The following MED12L variants were observed in gnomAD, a reference collection of about 807,000 sequenced individuals.
MED12L encodes mediator of RNA polymerase II transcription subunit 12-like protein.
A neutral mutation model predicts 281.3 loss-of-function variants in MED12L; 60 were observed. The ratio of observed to expected loss-of-function variants is 0.21; its 90% CI spans 0.17 to 0.26. MED12L has a LOEUF of 0.26. MED12L is among the 10% of genes least tolerant of loss of function. The probability of loss-of-function intolerance (pLI) is 1.00; values close to 1 mark genes in which losing one functional copy is unlikely to be tolerated. For missense variants in MED12L, 2,146 were observed against 2,680.9 expected (o/e 0.80, Z 4.41); for synonymous variants, 974 against 987.2 (o/e 0.99, Z 0.25).
intron 16 of MED12L, among the ~76,000 whole-genome samples, chr3:151,298,364 T>G (rs539650942): frequency 1.1e-4 from 17 of 152,204 alleles, no homozygotes; most frequent in Non-Finnish European, 2.4e-4. Context: ...GGTCATTCAG[T>G]TAAGAAAAAT....
intron 2 of MED12L, 96 bp downstream of exon 2, chr3:151,087,121 T>C (rs7653870): frequency 1.0e-6 from 1 of 1,002,824 alleles, no homozygotes; most frequent in African/African-American, 1.7e-5. Flanking sequence ...GGCGCTGCGG[T>C]GGAAGAGGTC....
intron 16 of MED12L, among the ~76,000 whole-genome samples, chr3:151,215,285 C>T (rs1376652209): frequency 1.3e-5 from 2 of 152,092 alleles, no homozygotes; most frequent in African/African-American, 2.4e-5. Context: ...GTATTGAGCA[C>T]TTGAAATATG....
At chr3:151,363,676 T>A (rs1396121445) in intron 21 of MED12L, among the ~76,000 whole-genome samples, 3 of 152,222 alleles carry the variant, frequency 2.0e-5, no homozygotes, top group Non-Finnish European at 4.4e-5. Flanking sequence ...TGCTGCCATT[T>A]AGTAGATGAC....
intron 17 of MED12L, among the ~76,000 whole-genome samples, chr3:151,354,774 A>G (rs893153873): frequency 1.3e-5 from 2 of 152,208 alleles, no homozygotes; most frequent in African/African-American, 4.8e-5. Context: ...ACATGAATCA[A>G]TCTTAAAAGC....
At position 151,367,172 on chromosome 3, in the gene MED12L, A is replaced by G. The variant is rs571961981; in HGVS notation, c.3328-474A>G. Among the ~76,000 whole-genome samples, 4 of 152,310 alleles carry G rather than the reference A, an allele frequency of 2.6e-5. No individual in the cohort carries two copies. The South Asian group carries it at 8.3e-4, about 32-fold the overall frequency. On this transcript the variant is annotated intron_variant, in intron 23 of 44. Coordinates refer to ENST00000687756, the MANE Select transcript of MED12L (RefSeq NM_001393769.1). The stretch of plus-strand genomic sequence containing the variant: ...TTGGAAACTTTCAGAGTTGTTTTTA[A>G]AACGAGTTTAATCATTAAAGAATCC...
chr3:151,285,260 A>C (rs1043708349), intron 16 of MED12L, among the ~76,000 whole-genome samples: 3 of 151,962 alleles, frequency 2.0e-5, no homozygotes, highest in Non-Finnish European at 2.9e-5. Context: ...TGAGGTGGGC[A>C]GATCACAAGG....
chr3:151,227,067 C>T (rs1730654728), intron 16 of MED12L, among the ~76,000 whole-genome samples: 1 of 152,168 alleles, frequency 6.6e-6, no homozygotes, highest in African/African-American at 2.4e-5. Flanking sequence ...AGCTCAAGAT[C>T]AGGTCACTTG....
intron 16 of MED12L, among the ~76,000 whole-genome samples, chr3:151,261,008 G>A (rs1738772325): frequency 6.6e-6 from 1 of 152,100 alleles, no homozygotes; most frequent in Admixed American, 6.6e-5. Context: ...GTGTTGCAGG[G>A]CAAGCATGGC....
chr3:151,239,193 G>A (rs1320120613), intron 16 of MED12L, among the ~76,000 whole-genome samples: 8 of 152,188 alleles, frequency 5.3e-5, no homozygotes, highest in African/African-American at 1.7e-4. Flanking sequence ...CATGACCAAT[G>A]TATGATGTTA....
intron 37 of MED12L, 91 bp from the exon 38 acceptor site, chr3:151,389,888 G>A (rs1713962469): frequency 7.9e-7 from 1 of 1,257,940 alleles, no homozygotes; most frequent in South Asian, 1.3e-5. Context: ...TGGGATAGGA[G>A]GTACCTCAGA....
At chr3:151,298,148 C>T (rs980151227) in intron 16 of MED12L, among the ~76,000 whole-genome samples, 1 of 152,084 alleles carries the variant, frequency 6.6e-6, no homozygotes, top group African/African-American at 2.4e-5. Context: ...AGCTAATGCC[C>T]ATCATTTATT....
chr3:151,226,644 G>A (rs1373823343), intron 16 of MED12L, among the ~76,000 whole-genome samples: 2 of 152,082 alleles, frequency 1.3e-5, no homozygotes, highest in Non-Finnish European at 2.9e-5. Context: ...GTGCATGTGT[G>A]TATGTTTGAG....
intron 17 of MED12L, among the ~76,000 whole-genome samples, chr3:151,354,057 C>T (rs1015325136): frequency 1.7e-4 from 24 of 140,162 alleles, no homozygotes; most frequent in Non-Finnish European, 3.5e-4. Context: ...AGGAGAATGG[C>T]GTGAACCCGG....
intron 2 of MED12L, among the ~76,000 whole-genome samples, chr3:151,094,720 A>G (rs1370522901): frequency 2.0e-5 from 3 of 152,228 alleles, no homozygotes; most frequent in Admixed American, 2.0e-4. Flanking sequence ...GCAACCAGTT[A>G]TCTCTGGGGG....
At chr3:151,363,029 G>A (rs1295733202) in intron 21 of MED12L, among the ~76,000 whole-genome samples, 1 of 151,780 alleles carries the variant, frequency 6.6e-6, no homozygotes, top group African/African-American at 2.4e-5. Context: ...TAGCCTATTT[G>A]ACCCTTAATA....
In MED12L at chr3:151,380,204, C is replaced by T; in HGVS notation, c.4570C>T (p.Leu1524Phe). 1 of 1,604,790 alleles carries T rather than the reference C, an allele frequency of 6.2e-7. No homozygotes were observed. Among genetic ancestry groups the T allele is most frequent in the Non-Finnish European group, 8.5e-7 (1 of 1,175,082 alleles). ...DEQREGLLTS[L>F]QNQVNQILSN... ...ACAAAGGGAAGGCCTCCTAACATCT[C>T]TCCAGAATCAAGTTAACCAGGTAAA... is the stretch of plus-strand genomic sequence containing the variant. Residue 1524 changes from leucine to phenylalanine, a missense_variant, in exon 32 of 45, where the codon CTC (leucine) becomes TTC (phenylalanine). Leu to Phe is a conservative substitution (Grantham distance 22). Around this residue, in one of 9 missense-constraint regions of MED12L, gnomAD observed 212 missense variants for 340.8 expected, o/e 0.62. Transcript: ENST00000687756.
chr3:151,102,400 T>G (rs1721494971), intron 2 of MED12L, among the ~76,000 whole-genome samples: 1 of 152,180 alleles, frequency 6.6e-6, no homozygotes, highest in Non-Finnish European at 1.5e-5. Context: ...GAAATTTGTT[T>G]CCTTGACTCA....
intron 16 of MED12L, among the ~76,000 whole-genome samples, chr3:151,291,795 A>G (rs1744286898): frequency 6.6e-6 from 1 of 152,152 alleles, no homozygotes; most frequent in Non-Finnish European, 1.5e-5. Flanking sequence ...AATATTTTTC[A>G]TGCCACAGCG....
intron 16 of MED12L, among the ~76,000 whole-genome samples, chr3:151,344,553 T>A (rs1312652748): frequency 2.6e-5 from 4 of 152,150 alleles, no homozygotes; most frequent in Non-Finnish European, 5.9e-5. Flanking sequence ...TAAAGACTGG[T>A]TTTTACTGCT....
Sources: gnomAD v4.1 joint callset for allele counts (sites outside exome capture counted in the v4.1 genomes callset) on GRCh38, gnomAD v4.1.1 for gene constraint, gnomAD v4.1.1 regional missense constraint, MANE v1.5 for transcripts, NCBI Gene and HGNC (gene_info 2026-07-23, HGNC 2026-07-21) for gene names.